Variants in PDCD6IP observed in about 807,000 individuals in gnomAD.
The protein encoded by PDCD6IP is programmed cell death 6-interacting protein.
In PDCD6IP, 43 loss-of-function variants were observed where a neutral mutation model predicts 103.7. The observed-to-expected ratio is 0.41, with a 90% CI of 0.32 to 0.53. The LOEUF (loss-of-function observed/expected upper bound fraction) is 0.53. Ranked by LOEUF, PDCD6IP falls within the 20% of genes least tolerant of loss-of-function variation. PDCD6IP has a pLI of 0.16. For missense variants in PDCD6IP, 871 were observed against 1,036.7 expected (o/e 0.84, Z 2.20); for synonymous variants, 354 against 378.7 (o/e 0.93, Z 0.76).
chr3:33,811,386 TG>T (rs1163541110), intron 1 of PDCD6IP, among the ~76,000 whole-genome samples: 3 of 151,704 alleles, frequency 2.0e-5, no homozygotes, highest in Admixed American at 6.6e-5. Flanking sequence ...GATGAAGGGG[TG>T]GGGGAAGTAT....
chr3:33,825,437 G>T (rs12495243), intron 5 of PDCD6IP, 97 bp downstream of exon 5: 282,873 of 1,071,218 alleles, frequency 0.26, 39,683 homozygotes, highest in Admixed American at 0.43. Context: ...ATGTCGAGCT[G>T]TCCTTCTTGA....
Position 33,856,708 on chromosome 3 carries a change from T to G in PDCD6IP, c.2120+1448T>G, listed in dbSNP as rs573463046. Among the ~76,000 whole-genome samples the G allele has an allele frequency of 2.0e-5, 3 of 152,284 alleles. No homozygotes were observed. The South Asian group carries it at 6.2e-4, about 32-fold the overall frequency. On this transcript the variant is annotated intron_variant, in intron 15 of 17. Transcript: ENST00000307296. ...TTGGCCTTAAAAGATAATGGCAGAATCCTTTAGGCAGTCAGGCAAAACAGT... is the reference window on the plus strand; with the variant it reads ...TTGGCCTTAAAAGATAATGGCAGAAGCCTTTAGGCAGTCAGGCAAAACAGT...
intron 1 of PDCD6IP, chr3:33,799,651 A>G (rs1696423632): frequency 6.6e-6 from 1 of 152,230 alleles, no homozygotes; most frequent in Non-Finnish European, 1.5e-5. Flanking sequence ...GGTTCCTTTC[A>G]TGATACTTAA....
At chr3:33,816,169 G>A (rs900130455) in intron 3 of PDCD6IP, among the ~76,000 whole-genome samples, 2 of 152,190 alleles carry the variant, frequency 1.3e-5, no homozygotes, top group Non-Finnish European at 2.9e-5. Context: ...AGATGTGATA[G>A]GAGAAAGTTT....
At chr3:33,812,490 T>C (rs1696741576) in intron 2 of PDCD6IP, among the ~76,000 whole-genome samples, 1 of 152,236 alleles carries the variant, frequency 6.6e-6, no homozygotes, top group African/African-American at 2.4e-5. Flanking sequence ...TTAAAAATTA[T>C]TCGCACAAGT....
At chr3:33,823,394 A>G (rs1336242237) in intron 4 of PDCD6IP, among the ~76,000 whole-genome samples, 1 of 152,254 alleles carries the variant, frequency 6.6e-6, no homozygotes, top group East Asian at 1.9e-4. Flanking sequence ...AACACGCTCC[A>G]AATTGTGGCT....
intron 6 of PDCD6IP, 54 bp downstream of exon 6, chr3:33,826,634 C>T (rs780088856): frequency 6.3e-7 from 1 of 1,598,580 alleles, no homozygotes; most frequent in East Asian, 2.3e-5. Flanking sequence ...AATATTTAGA[C>T]TTTTTTGTGT....
rs891789691 is a variant in PDCD6IP at position 33,869,328 on chromosome 3, A to G, written c.*2803A>G. The G allele has an allele frequency of 6.6e-6, 1 of 152,168 alleles. No individual in the cohort carries two copies. The highest frequency in any genetic ancestry group is 2.4e-5 in the African/African-American group (1 of 41,440). 9.4% of individuals were successfully genotyped at this position (152,168 alleles called of 1,614,324 possible). A position where few individuals can be genotyped will look rare whatever the true frequency, so the allele number is the denominator to read the frequency against. On this transcript the variant is annotated 3_prime_UTR_variant, in exon 18 of 18. Coordinates refer to ENST00000307296, the MANE Select transcript of PDCD6IP (RefSeq NM_013374.6). Reference sequence around the variant, plus strand: ...CCAAATGGCATCTCACTTTTTAAAGACGTTTGCAATTATTAGTTGATTCAC... The same window carrying G: ...CCAAATGGCATCTCACTTTTTAAAGGCGTTTGCAATTATTAGTTGATTCAC...
intron 3 of PDCD6IP, among the ~76,000 whole-genome samples, chr3:33,820,084 G>A (rs914729510): frequency 3.3e-5 from 5 of 152,140 alleles, no homozygotes; most frequent in Non-Finnish European, 7.3e-5. Flanking sequence ...ACGAGTTCAA[G>A]ACCAGCCTAG....
chr3:33,798,859 A>C lies in PDCD6IP; in HGVS notation c.131A>C (p.Glu44Ala), dbSNP rs1428950487. 3 of 1,552,482 alleles carry C rather than the reference A, an allele frequency of 1.9e-6. No homozygotes were observed. Among genetic ancestry groups the C allele is most frequent in the Non-Finnish European group, 2.6e-6 (3 of 1,147,784 alleles). The change falls in exon 1 of 18, where the codon GAG (glutamate) becomes GCG (alanine). Residue 44 changes from glutamate (E) to alanine (A), a missense_variant. By Grantham distance (107) the Glu-to-Ala change is moderately radical. Coordinates refer to ENST00000307296, the MANE Select transcript of PDCD6IP (RefSeq NM_013374.6). ...CAGGCCCAGTACTGCCGCGCGGCGG[A>C]GGAGCTCAGCAAGCTGCGCCGCGCC... Reference protein sequence around the residue: ...EEQAQYCRAAEELSKLRRAAV... With the variant: ...EEQAQYCRAAAELSKLRRAAV...
intron 13 of PDCD6IP, among the ~76,000 whole-genome samples, chr3:33,853,659 A>G (rs1330403609): frequency 6.6e-6 from 1 of 152,168 alleles, no homozygotes; most frequent in Non-Finnish European, 1.5e-5. Flanking sequence ...ATCTGTGATC[A>G]TTATTGGTTG....
In PDCD6IP at chr3:33,869,077, A is replaced by G. The variant is rs1250357965; in HGVS notation, c.*2552A>G. 3.3e-5 allele frequency: 5 copies of G among 152,218 alleles called. No homozygotes were observed. Among genetic ancestry groups the G allele is most frequent in the South Asian group, 2.1e-4 (1 of 4,834 alleles). 9.4% of individuals were successfully genotyped at this position (152,218 alleles called of 1,614,324 possible). On this transcript the variant is annotated 3_prime_UTR_variant, in exon 18 of 18. Transcript: ENST00000307296. Reference sequence around the variant, plus strand: ...GGAGTTGCAGAAAAAAATGGATTTCACAGAGCCTTGTGTCCCTAAAGTTCT... The same window carrying G: ...GGAGTTGCAGAAAAAAATGGATTTCGCAGAGCCTTGTGTCCCTAAAGTTCT...
At chr3:33,813,345 G>C (rs551785683) in intron 2 of PDCD6IP, 384 of 438,662 alleles carry the variant, frequency 8.8e-4, no homozygotes, top group Non-Finnish European at 1.3e-3. Context: ...GATTACCAAG[G>C]CAGAATGACC....
chr3:33,826,471 G>A lies in PDCD6IP; in HGVS notation c.617-9G>A, dbSNP rs763370076. On this transcript the variant is annotated splice_polypyrimidine_tract_variant and intron_variant, in intron 5 of 17. Transcript: ENST00000307296. ...TTATTTTAATTATAATGGTCATATTGTATTCCAGATAAAATGAAAGATGCC... is the reference window on the plus strand; with the variant it reads ...TTATTTTAATTATAATGGTCATATTATATTCCAGATAAAATGAAAGATGCC... 25 of 1,580,774 alleles carry A rather than the reference G, an allele frequency of 1.6e-5. No individual in the cohort carries two copies. Among genetic ancestry groups the A allele is most frequent in the Non-Finnish European group, 2.2e-5 (25 of 1,154,438 alleles).
intron 7 of PDCD6IP, among the ~76,000 whole-genome samples, chr3:33,829,951 A>G (rs112954203): frequency 6.6e-5 from 10 of 152,162 alleles, no homozygotes; most frequent in East Asian, 1.9e-4. Context: ...GAGGGAGCCA[A>G]ACTGCTCAAT....
intron 2 of PDCD6IP, 55 bp downstream of exon 2, chr3:33,812,181 G>T (rs1338814200): frequency 5.8e-6 from 9 of 1,557,458 alleles, no homozygotes; most frequent in Middle Eastern, 1.7e-4. Flanking sequence ...ATTTCCTTCT[G>T]CCAATATCTT....
Position 33,826,464 on chromosome 3 carries a change from T to C in PDCD6IP, c.617-16T>C. Reference sequence around the variant, plus strand: ...CTCATATTTATTTTAATTATAATGGTCATATTGTATTCCAGATAAAATGAA... The same window carrying C: ...CTCATATTTATTTTAATTATAATGGCCATATTGTATTCCAGATAAAATGAA... On this transcript the variant is annotated splice_polypyrimidine_tract_variant and intron_variant, in intron 5 of 17. Coordinates refer to ENST00000307296, the MANE Select transcript of PDCD6IP (RefSeq NM_013374.6). 1 of 1,562,858 alleles carries C rather than the reference T, an allele frequency of 6.4e-7. No homozygotes were observed. Among genetic ancestry groups the C allele is most frequent in the African/African-American group, 1.4e-5 (1 of 73,718 alleles).
chr3:33,853,489 C>T (rs2125446055), intron 13 of PDCD6IP, among the ~76,000 whole-genome samples: 1 of 152,224 alleles, frequency 6.6e-6, no homozygotes, highest in East Asian at 1.9e-4. Context: ...GTAGTTTGGA[C>T]TAACAAATAC....
In PDCD6IP at chr3:33,825,242, G is replaced by A. The variant is rs779299344; in HGVS notation, c.518G>A (p.Arg173Gln). Residue 173 changes from arginine to glutamine, a missense_variant, in exon 5 of 18, where the codon CGA becomes CAA. Coordinates refer to ENST00000307296, the MANE Select transcript of PDCD6IP (RefSeq NM_013374.6). ...IKETVLSALS[R>Q]EPTVDISPDT... is the part of the protein sequence containing the mutation. ...GAGACGGTTTTATCTGCCTTAAGTC[G>A]AGAGCCGACCGTGGACATATCTCCA... The A allele has an allele frequency of 8.1e-6, 13 of 1,613,358 alleles. No individual in the cohort carries two copies. Among genetic ancestry groups the A allele is most frequent in the African/African-American group, 1.3e-5 (1 of 74,836 alleles).
Sources: gnomAD v4.1 joint callset for allele counts (sites outside exome capture counted in the v4.1 genomes callset) on GRCh38, gnomAD v4.1.1 for gene constraint, MANE v1.5 for transcripts, NCBI Gene and HGNC (gene_info 2026-07-23, HGNC 2026-07-21) for gene names.